CDH8: variants seen among roughly 807,000 people sequenced by gnomAD.
CDH8 encodes the protein cadherin 8, also known as cadherin-8.
A neutral mutation model predicts 68.1 loss-of-function variants in CDH8; 17 were observed. The observed-to-expected ratio is 0.25, with a 90% CI of 0.17 to 0.37. CDH8 has a LOEUF of 0.37. CDH8 is among the 10% of genes least tolerant of loss of function. CDH8 has a pLI of 1.00. For missense variants in CDH8, 763 were observed against 999.3 expected (o/e 0.76, Z 3.19); for synonymous variants, 372 against 365.1 (o/e 1.02, Z -0.21).
At chr16:62,008,358 A>T (rs1215942780) in intron 2 of CDH8, among the ~76,000 whole-genome samples, 1 of 152,188 alleles carries the variant, frequency 6.6e-6, no homozygotes, top group Non-Finnish European at 1.5e-5. Context: ...CTGTCGTACC[A>T]TCTCATTTTG....
At chr16:61,717,963 T>C (rs1253058552) in intron 9 of CDH8, among the ~76,000 whole-genome samples, 1 of 151,366 alleles carries the variant, frequency 6.6e-6, no homozygotes, top group Non-Finnish European at 1.5e-5. Flanking sequence ...GAAGTATATA[T>C]TACATATGTA....
intron 2 of CDH8, among the ~76,000 whole-genome samples, chr16:61,951,168 G>T (rs1172043791): frequency 1.3e-5 from 2 of 152,156 alleles, no homozygotes; most frequent in East Asian, 3.9e-4. Flanking sequence ...CAGACATGAT[G>T]CTGAACAATA....
intron 10 of CDH8, among the ~76,000 whole-genome samples, chr16:61,678,839 T>G (rs769415756): frequency 1.3e-5 from 2 of 152,096 alleles, no homozygotes; most frequent in Non-Finnish European, 2.9e-5. Flanking sequence ...TCCTTATTAC[T>G]GGCTTCTTTA....
chr16:62,012,244 G>T (rs1256741924), intron 2 of CDH8, among the ~76,000 whole-genome samples: 1 of 152,118 alleles, frequency 6.6e-6, no homozygotes, highest in Non-Finnish European at 1.5e-5. Context: ...CAACCTGTAG[G>T]CTGATTATAT....
At chr16:61,999,939 G>T (rs1965868657) in intron 2 of CDH8, among the ~76,000 whole-genome samples, 1 of 151,782 alleles carries the variant, frequency 6.6e-6, no homozygotes, top group East Asian at 1.9e-4. Flanking sequence ...TTAGGTATTT[G>T]TCCTAATGCT....
chr16:61,793,645 G>A (rs1961434130), intron 7 of CDH8, among the ~76,000 whole-genome samples: 1 of 151,934 alleles, frequency 6.6e-6, no homozygotes, highest in Admixed American at 6.6e-5. Context: ...TCCTTATCCA[G>A]TCTATTGTTG....
chr16:61,924,825 A>G (rs3784850), intron 2 of CDH8, among the ~76,000 whole-genome samples: 2 of 152,140 alleles, frequency 1.3e-5, no homozygotes, highest in East Asian at 3.9e-4. Flanking sequence ...AAACGGTTTA[A>G]ATAAAGAGCT....
At chr16:61,911,397 T>A (rs548989800) in intron 2 of CDH8, among the ~76,000 whole-genome samples, 1 of 152,116 alleles carries the variant, frequency 6.6e-6, no homozygotes. Context: ...AACTAATAGA[T>A]GCACTGGTGA....
intron 2 of CDH8, among the ~76,000 whole-genome samples, chr16:61,956,457 T>C (rs1393754477): frequency 6.6e-6 from 1 of 152,190 alleles, no homozygotes; most frequent in African/African-American, 2.4e-5. Context: ...AGGGAGTAAA[T>C]TTACATTGTG....
chr16:61,894,822 C>T (rs1465416662), intron 3 of CDH8, among the ~76,000 whole-genome samples: 1 of 152,084 alleles, frequency 6.6e-6, no homozygotes, highest in Non-Finnish European at 1.5e-5. Context: ...TCAGTGAAAC[C>T]ACTTTGGAAA....
At chr16:61,663,906 A>G (rs62049435) in intron 10 of CDH8, among the ~76,000 whole-genome samples, 42,963 of 151,898 alleles carry the variant, frequency 0.28, 6,328 homozygotes, top group African/African-American at 0.36. Flanking sequence ...GGAGGGAAAC[A>G]AGGAAGAGAG....
chr16:61,736,663 A>C (rs1438385437), intron 8 of CDH8, among the ~76,000 whole-genome samples: 1 of 152,186 alleles, frequency 6.6e-6, no homozygotes, highest in Non-Finnish European at 1.5e-5. Flanking sequence ...TACAACTTAT[A>C]ATTTCCAACA....
At chr16:61,909,799 C>G (rs1964128144) in intron 2 of CDH8, among the ~76,000 whole-genome samples, 1 of 152,042 alleles carries the variant, frequency 6.6e-6, no homozygotes, top group African/African-American at 2.4e-5. Flanking sequence ...TAGAATAAAC[C>G]TAGAAATAGA....
chr16:61,779,238 A>C (rs1960979356), intron 8 of CDH8, among the ~76,000 whole-genome samples: 1 of 152,176 alleles, frequency 6.6e-6, no homozygotes, highest in African/African-American at 2.4e-5. Context: ...ATGAGCATTC[A>C]GTGCATCTAA....
chr16:61,723,134 C>T (rs1959243156), intron 9 of CDH8, among the ~76,000 whole-genome samples: 1 of 150,692 alleles, frequency 6.6e-6, no homozygotes, highest in South Asian at 2.1e-4. Flanking sequence ...GAAAGTCACC[C>T]TAATTCTGTA....
chr16:61,916,598 G>A (rs1003150862), intron 2 of CDH8, among the ~76,000 whole-genome samples: 1 of 152,108 alleles, frequency 6.6e-6, no homozygotes, highest in Non-Finnish European at 1.5e-5. Flanking sequence ...CTATCAAATT[G>A]TATGGTCTCT....
intron 1 of CDH8, among the ~76,000 whole-genome samples, chr16:62,028,607 ATCTCT>A (rs1298351861): frequency 1.3e-5 from 2 of 152,060 alleles, no homozygotes; most frequent in African/African-American, 2.4e-5. Context: ...TCAAAATAAG[ATCTCT>A]TCTCTAGTGT....
At chr16:61,702,581 T>C (rs1275933038) in intron 10 of CDH8, among the ~76,000 whole-genome samples, 1 of 152,176 alleles carries the variant, frequency 6.6e-6, no homozygotes, top group Non-Finnish European at 1.5e-5. Context: ...AAATAGATCA[T>C]TTTGATTGTT....
chr16:61,909,582 A>T (rs890953867), intron 2 of CDH8, among the ~76,000 whole-genome samples: 7 of 152,194 alleles, frequency 4.6e-5, no homozygotes, highest in African/African-American at 1.2e-4. Flanking sequence ...CTTTGGCATA[A>T]TTTTATAAAG....
Sources: allele counts gnomAD v4.1 joint callset (sites outside exome capture counted in the v4.1 genomes callset), GRCh38; gene constraint gnomAD v4.1.1; transcripts MANE v1.5; gene names NCBI Gene and HGNC (gene_info 2026-07-23, HGNC 2026-07-21).